Variants in ENOX1 observed in about 807,000 individuals in gnomAD.
ENOX1 encodes the protein ecto-NOX disulfide-thiol exchanger 1.
Under a neutral mutation model 82.5 loss-of-function variants are expected in ENOX1, and 42 were observed. That is an observed-to-expected ratio of 0.51 (90% CI 0.40 to 0.66). The LOEUF is 0.66. Ranked by LOEUF, ENOX1 falls within the 30% of genes least tolerant of loss-of-function variation. The pLI is 0.00. For synonymous variants in ENOX1, 271 were observed against 282.2 expected, an observed-to-expected ratio of 0.96 and a Z score of 0.40; for missense variants, 608 against 811.6, an observed-to-expected ratio of 0.75 and a Z score of 3.05.
intron 13 of ENOX1, among the ~76,000 whole-genome samples, chr13:43,268,982 G>C (rs936500001): frequency 6.6e-6 from 1 of 152,114 alleles, no homozygotes; most frequent in Non-Finnish European, 1.5e-5. Flanking sequence ...GAAATGATCA[G>C]GTTTACAAAC....
intron 2 of ENOX1, among the ~76,000 whole-genome samples, chr13:43,610,826 A>G (rs2082169989): frequency 6.6e-6 from 1 of 152,094 alleles, no homozygotes; most frequent in Admixed American, 6.6e-5. Flanking sequence ...ACAACTTTTA[A>G]ACTTAATATT....
intron 5 of ENOX1, among the ~76,000 whole-genome samples, chr13:43,404,669 G>A (rs932147505): frequency 1.3e-5 from 2 of 152,190 alleles, no homozygotes; most frequent in African/African-American, 4.8e-5. Flanking sequence ...CTCCATAAGA[G>A]CATCACTGGT....
chr13:43,671,546 C>T (rs1023848300), intron 1 of ENOX1, among the ~76,000 whole-genome samples: 1 of 152,124 alleles, frequency 6.6e-6, no homozygotes, highest in African/African-American at 2.4e-5. Flanking sequence ...CTACACATAC[C>T]CCATTATTAC....
At chr13:43,704,707 A>C (rs1405705772) in intron 1 of ENOX1, among the ~76,000 whole-genome samples, 1 of 152,182 alleles carries the variant, frequency 6.6e-6, no homozygotes, top group African/African-American at 2.4e-5. Flanking sequence ...CTTAAATTGT[A>C]CGTACATGCA....
rs1950550875 is a variant in ENOX1 at position 43,754,647 on chromosome 13, C to T, written c.-285+32005G>A. Among the ~76,000 whole-genome samples, 3 of 152,018 alleles carry T rather than the reference C, an allele frequency of 2.0e-5. No individual in the cohort carries two copies. The South Asian group carries it at 6.2e-4, about 32-fold the overall frequency. The stretch of plus-strand genomic sequence containing the variant: ...CCACCCAGGCTAGAGTGCAGTGGCA[C>T]AATCATAGCCCACTGCAGCCTCAAA... On this transcript the variant is annotated intron_variant, in intron 1 of 16. Transcript: ENST00000690772.
intron 2 of ENOX1, chr13:43,544,616 CA>C (rs1249440081): frequency 2.0e-5 from 3 of 151,978 alleles, no homozygotes; most frequent in African/African-American, 7.3e-5. Context: ...CACTTATTGC[CA>C]AAATAATTAT....
Position 43,398,933 on chromosome 13 carries a change from C to T in ENOX1, c.208+12983G>A, listed in dbSNP as rs138341302. 6.1e-3 allele frequency among the ~76,000 whole-genome samples: 920 copies of T among 151,318 alleles called. 12 individuals carry two copies. The highest frequency in any genetic ancestry group is 0.021 in the African/African-American group (883 of 41,182). ...GCCTCAGCCTCCTGAGTAGCTGGGA[C>T]TACAGGTGCATGCCACCATGCCCCC... On this transcript the variant is annotated intron_variant, in intron 5 of 16. Transcript: ENST00000690772.
intron 5 of ENOX1, among the ~76,000 whole-genome samples, chr13:43,387,312 A>C (rs1014888847): frequency 1.3e-5 from 2 of 152,212 alleles, no homozygotes; most frequent in African/African-American, 4.8e-5. Flanking sequence ...CTGGAAAAGA[A>C]CTTTTGAGTT....
At chr13:43,470,342 G>GTATATA (rs56828107) in intron 3 of ENOX1, among the ~76,000 whole-genome samples, 2 of 43,054 alleles carry the variant, frequency 4.6e-5, no homozygotes, top group South Asian at 9.5e-4. Flanking sequence ...ATATATATAC[G>GTATATA]TATATATATA....
At chr13:43,440,712 C>A (rs1428893104) in intron 3 of ENOX1, among the ~76,000 whole-genome samples, 5 of 152,012 alleles carry the variant, frequency 3.3e-5, no homozygotes, top group Non-Finnish European at 7.4e-5. Context: ...AATTATAATA[C>A]AAATCACTGA....
intron 5 of ENOX1, among the ~76,000 whole-genome samples, chr13:43,400,808 C>A (rs1236003167): frequency 2.6e-5 from 4 of 152,164 alleles, no homozygotes; most frequent in African/African-American, 9.7e-5. Context: ...TGTCTTTCCA[C>A]CCAAGGTATT....
intron 15 of ENOX1, among the ~76,000 whole-genome samples, 183 bp downstream of exon 15, chr13:43,236,453 C>T (rs1308490942): frequency 6.6e-6 from 1 of 152,160 alleles, no homozygotes; most frequent in Non-Finnish European, 1.5e-5. Flanking sequence ...TACAGAAAGG[C>T]AAAACCCCCA....
chr13:43,613,390 G>GA (rs1216827815), intron 2 of ENOX1, among the ~76,000 whole-genome samples: 1 of 152,082 alleles, frequency 6.6e-6, no homozygotes, highest in Non-Finnish European at 1.5e-5. Context: ...GAACGTAAAT[G>GA]AAAAAATTAT....
intron 1 of ENOX1, among the ~76,000 whole-genome samples, chr13:43,773,609 C>A (rs1951768405): frequency 6.6e-6 from 1 of 152,184 alleles, no homozygotes; most frequent in African/African-American, 2.4e-5. Context: ...CCTGGATAAC[C>A]CCAACCACCC....
Position 43,324,790 on chromosome 13 carries a change from C to T in ENOX1, c.1143+1629G>A, listed in dbSNP as rs577996065. 2.0e-5 allele frequency among the ~76,000 whole-genome samples: 3 copies of T among 152,186 alleles called. No homozygotes were observed. The East Asian group carries it at 5.8e-4, about 30-fold the overall frequency. ...TGGAAGCCTTCACACGTCCTGCTCC[C>T]CACCACACCCACGCAGAGGAGGCAG... is the stretch of plus-strand genomic sequence containing the variant. On this transcript the variant is annotated intron_variant, in intron 10 of 16. Coordinates refer to ENST00000690772, the MANE Select transcript of ENOX1 (RefSeq NM_001347969.2).
chr13:43,396,695 C>A (rs1175098382), intron 5 of ENOX1, among the ~76,000 whole-genome samples: 1 of 152,174 alleles, frequency 6.6e-6, no homozygotes, highest in African/African-American at 2.4e-5. Context: ...TTACCTTAAC[C>A]ACAGGAGATA....
intron 3 of ENOX1, among the ~76,000 whole-genome samples, chr13:43,417,165 CA>C (rs1235225286): frequency 6.8e-6 from 1 of 147,352 alleles, no homozygotes; most frequent in Non-Finnish European, 1.5e-5. Context: ...GCTGAGATCA[CA>C]GCAGTACAGT....
At chr13:43,370,059 GCA>G (rs1485414949) in intron 5 of ENOX1, among the ~76,000 whole-genome samples, 1 of 152,188 alleles carries the variant, frequency 6.6e-6, no homozygotes, top group Admixed American at 6.5e-5. Flanking sequence ...GTGAACTGTA[GCA>G]CGTGCTTACA....
chr13:43,360,081 A>C (rs1229996377), intron 6 of ENOX1, 24 bp from the exon 7 acceptor site: 1 of 1,604,592 alleles, frequency 6.2e-7, no homozygotes, highest in Non-Finnish European at 8.5e-7. Flanking sequence ...CAAAACAGAA[A>C]GTTTTATCTT....
Sources: allele counts gnomAD v4.1 joint callset (sites outside exome capture counted in the v4.1 genomes callset), GRCh38; gene constraint gnomAD v4.1.1; transcripts MANE v1.5; gene names NCBI Gene and HGNC (gene_info 2026-07-23, HGNC 2026-07-21).